The following NFATC2 variants were observed in gnomAD, a reference collection of about 807,000 sequenced individuals.
NFATC2 encodes nuclear factor of activated T-cells, cytoplasmic 2.
In NFATC2, 22 loss-of-function variants were observed where a neutral mutation model predicts 87.3. The observed-to-expected ratio is 0.25, with a 90% CI of 0.18 to 0.36. NFATC2 has a LOEUF of 0.36. Ranked by LOEUF, NFATC2 falls within the 10% of genes least tolerant of loss-of-function variation. The pLI, the probability that NFATC2 is intolerant of heterozygous loss-of-function variation, is 1.00. For synonymous variants in NFATC2, 565 were observed against 542.2 expected (o/e 1.04, Z -0.58); for missense variants, 1,149 against 1,259.1 (o/e 0.91, Z 1.32).
rs57346724 is a variant in NFATC2, at chr20:51,464,556, G to A, written c.1708+9424C>T. Among the ~76,000 whole-genome samples the A allele has an allele frequency of 4.3e-3, 649 of 152,178 alleles. 2 individuals carry two copies. The highest frequency in any genetic ancestry group is 0.015 in the African/African-American group (606 of 41,504). On this transcript the variant is annotated intron_variant, in intron 5 of 10. Transcript: ENST00000371564. The stretch of plus-strand genomic sequence containing the variant: ...TAGGGCTTCTTGGTCACTTGCCTTC[G>A]AGAGCAGAGGCTGACAAAGGCCTGG...
chr20:51,480,016 G>A lies in NFATC2; in HGVS notation c.1333-4356C>T, dbSNP rs577850701. On this transcript the variant is annotated intron_variant, in intron 3 of 10. Coordinates refer to ENST00000371564, the MANE Select transcript of NFATC2 (RefSeq NM_012340.5). This position sits in a 1 kb window ranked among gnomAD's most constrained non-coding sequence, Gnocchi z 4.2. ...GAATGTGCTTCCTGGGGCCAGGCGC[G>A]GTGGCTCGTGCCTGTAATCCCAGCA... 2.0e-4 allele frequency among the ~76,000 whole-genome samples: 30 copies of A among 152,278 alleles called. No homozygotes were observed. In the South Asian group the frequency reaches 2.5e-3, roughly 13 times the overall value.
chr20:51,409,912 T>G (rs1376686915), intron 9 of NFATC2, among the ~76,000 whole-genome samples: 2 of 152,140 alleles, frequency 1.3e-5, no homozygotes, highest in African/African-American at 4.8e-5. Context: ...CAAACAAACT[T>G]TAACAAAAAG....
At chr20:51,536,595 T>C (rs1359069096) in intron 1 of NFATC2, among the ~76,000 whole-genome samples, 3 of 152,200 alleles carry the variant, frequency 2.0e-5, no homozygotes, top group Admixed American at 6.5e-5. Flanking sequence ...TAGGAGCCTC[T>C]ACTCCTGATC....
At position 51,458,497 on chromosome 20, in the gene NFATC2, T is replaced by TA. The variant is rs112211646; in HGVS notation, c.1709-3810dup. Among the ~76,000 whole-genome samples, 766 of 144,586 alleles carry TA rather than the reference T, an allele frequency of 5.3e-3. 9 individuals are homozygous for TA. The highest frequency in any genetic ancestry group is 0.017 in the African/African-American group (656 of 39,516). 94.9% of individuals were successfully genotyped at this position (144,586 alleles called of 152,430 possible). Reference sequence around the variant, plus strand: ...CAGGACCCCAGCATTGTTTTTATCTTAAAAAAAAAAAAATCTTCAAGCCAG... The same window carrying TA: ...CAGGACCCCAGCATTGTTTTTATCTTAAAAAAAAAAAAAATCTTCAAGCCAG... On this transcript the variant is annotated intron_variant, in intron 5 of 10. Transcript: ENST00000371564.
rs752319967 is a variant in NFATC2 at position 51,423,714 on chromosome 20, G to A, written c.2722+8353C>T. 3.9e-5 allele frequency among the ~76,000 whole-genome samples: 6 copies of A among 152,176 alleles called. No individual in the cohort carries two copies. The South Asian group carries it at 1.2e-3, about 32-fold the overall frequency. ...TTCCAGCAGATGACTGGGAGCCCAC[G>A]AATGACACTGGATGCTGCCTCTCAC... On this transcript the variant is annotated intron_variant, in intron 9 of 10. Coordinates refer to ENST00000371564, the MANE Select transcript of NFATC2 (RefSeq NM_012340.5).
intron 1 of NFATC2, among the ~76,000 whole-genome samples, chr20:51,528,294 T>C (rs1266598647): frequency 6.6e-6 from 1 of 152,114 alleles, no homozygotes; most frequent in Non-Finnish European, 1.5e-5. Flanking sequence ...GAAGAAGTTC[T>C]TTATGCATTG....
At chr20:51,402,214 C>T in intron 9 of NFATC2, among the ~76,000 whole-genome samples, 1 of 152,324 alleles carries the variant, frequency 6.6e-6, no homozygotes, top group African/African-American at 2.4e-5. Context: ...AAGGACTAAC[C>T]AACTGTGTAA....
At chr20:51,526,452 G>A (rs902804772) in intron 1 of NFATC2, among the ~76,000 whole-genome samples, 1 of 152,048 alleles carries the variant, frequency 6.6e-6, no homozygotes, top group East Asian at 1.9e-4. Flanking sequence ...CCCCACACTC[G>A]ACCCAGAGCT....
chr20:51,386,965 GCTT>G lies in NFATC2; in HGVS notation c.*4528_*4530del, dbSNP rs1985832526. 6.6e-6 allele frequency: 1 copy of G among 152,158 alleles called. No homozygotes were observed. Among genetic ancestry groups the G allele is most frequent in the East Asian group, 1.9e-4 (1 of 5,208 alleles). The allele number at this position is 152,158 out of a possible 1,614,324, so 9.4% of individuals were successfully genotyped here. ...AGAAAGATACACCAAAGTAGATGTT[GCTT>G]CCAACTGTTTTATTGCTAAACTATC... On this transcript the variant is annotated 3_prime_UTR_variant, in exon 11 of 11. Transcript: ENST00000371564.
intron 3 of NFATC2, among the ~76,000 whole-genome samples, chr20:51,494,608 G>A (rs776235410): frequency 9.2e-5 from 14 of 152,098 alleles, no homozygotes; most frequent in South Asian, 2.1e-4. Context: ...GAACCCACGC[G>A]CCTTGAGGGA....
At chr20:51,453,365 T>C (rs141133702) in intron 6 of NFATC2, among the ~76,000 whole-genome samples, 1 of 152,208 alleles carries the variant, frequency 6.6e-6, no homozygotes, top group Non-Finnish European at 1.5e-5. Flanking sequence ...CCTTGTACAG[T>C]GCACAATCCC....
At chr20:51,517,602 A>C (rs1568716428) in intron 2 of NFATC2, among the ~76,000 whole-genome samples, 1 of 151,880 alleles carries the variant, frequency 6.6e-6, no homozygotes, top group East Asian at 1.9e-4. Context: ...CAAAAAAAAA[A>C]AAGAAACAAA....
chr20:51,415,246 A>G (rs1261885097), intron 9 of NFATC2, among the ~76,000 whole-genome samples: 1 of 5,262 alleles, frequency 1.9e-4, no homozygotes, highest in Non-Finnish European at 1.1e-3. Flanking sequence ...ACCCTGTATC[A>G]AAAAAAAAAA....
chr20:51,475,991 A>C (rs1270610520), intron 3 of NFATC2, among the ~76,000 whole-genome samples: 1 of 152,186 alleles, frequency 6.6e-6, no homozygotes, highest in Non-Finnish European at 1.5e-5. Flanking sequence ...GATAACTGAA[A>C]TTAACTGCAA....
Position 51,390,940 on chromosome 20 carries a change from T to G in NFATC2, c.*556A>C. 4.1e-6 allele frequency: 1 copy of G among 243,180 alleles called. No homozygotes were observed. The highest frequency in any genetic ancestry group is 2.2e-5 in the African/African-American group (1 of 44,822). The allele number at this position is 243,180 out of a possible 1,614,324, so 15.1% of individuals were successfully genotyped here. ...GGGCTCTTGGGTCACGTTCCTTTGG[T>G]TGCTCTGAGAACTCCTTGCCTTCAA... On this transcript the variant is annotated 3_prime_UTR_variant, in exon 11 of 11. Coordinates refer to ENST00000371564, the MANE Select transcript of NFATC2 (RefSeq NM_012340.5).
chr20:51,470,682 A>G (rs1025662285), intron 5 of NFATC2, among the ~76,000 whole-genome samples: 1 of 152,194 alleles, frequency 6.6e-6, no homozygotes, highest in African/African-American at 2.4e-5. Context: ...GTATACTGTC[A>G]TTAGTAACAA....
At chr20:51,467,857 T>G (rs1987839343) in intron 5 of NFATC2, among the ~76,000 whole-genome samples, 1 of 152,174 alleles carries the variant, frequency 6.6e-6, no homozygotes, top group Non-Finnish European at 1.5e-5. Context: ...ACAGAAGGAC[T>G]TGAGTAGGAA....
chr20:51,508,269 T>C (rs1173722847), intron 3 of NFATC2, among the ~76,000 whole-genome samples: 1 of 152,066 alleles, frequency 6.6e-6, no homozygotes, highest in Non-Finnish European at 1.5e-5. Context: ...ACGCCACCTC[T>C]CTGCCTGCGC....
chr20:51,463,833 A>C (rs756033913), intron 5 of NFATC2, among the ~76,000 whole-genome samples: 11 of 152,212 alleles, frequency 7.2e-5, no homozygotes, highest in Non-Finnish European at 1.6e-4. Flanking sequence ...TGAGGATGGA[A>C]ATGAGTTAAC....
Sources: allele counts gnomAD v4.1 joint callset (sites outside exome capture counted in the v4.1 genomes callset), GRCh38; gene constraint gnomAD v4.1.1; non-coding constraint Gnocchi (gnomAD v3.1); transcripts MANE v1.5; gene names NCBI Gene and HGNC (gene_info 2026-07-23, HGNC 2026-07-21).